Variants in SLC38A9 observed in about 807,000 individuals in gnomAD.
SLC38A9 encodes neutral amino acid transporter 9.
SLC38A9 carries 48 observed loss-of-function variants against 62.3 expected under a neutral mutation model. That is an observed-to-expected ratio of 0.77 (90% CI 0.61 to 0.98). SLC38A9 has a LOEUF of 0.98. SLC38A9 is among the 50% of genes least tolerant of loss of function. The probability of loss-of-function intolerance (pLI) is 0.00; values close to 1 mark genes in which losing one functional copy is unlikely to be tolerated. For missense variants in SLC38A9, 541 were observed against 679.8 expected (o/e 0.80, Z 2.27); for synonymous variants, 204 against 227.7 (o/e 0.90, Z 0.94).
chr5:55,663,305 A>C (rs1749929772), intron 8 of SLC38A9, among the ~76,000 whole-genome samples: 2 of 146,278 alleles, frequency 1.4e-5, no homozygotes, highest in African/African-American at 2.6e-5. Context: ...ACAAAAAAAA[A>C]AAAAAAAAAA....
At chr5:55,661,047 C>CAAA (rs35574937) in intron 8 of SLC38A9, among the ~76,000 whole-genome samples, 1 of 149,682 alleles carries the variant, frequency 6.7e-6, no homozygotes, top group Non-Finnish European at 1.5e-5. Flanking sequence ...GGAAAAAGTC[C>CAAA]AAAAAAAAAG....
chr5:55,673,127 G>A (rs546010552), intron 3 of SLC38A9, among the ~76,000 whole-genome samples: 1 of 151,972 alleles, frequency 6.6e-6, no homozygotes, highest in African/African-American at 2.4e-5. Context: ...CTTCCTTATG[G>A]GCCCAAGTTA....
At chr5:55,649,354 G>A in intron 10 of SLC38A9, 40 bp from the exon 11 acceptor site, 4 of 1,213,030 alleles carry the variant, frequency 3.3e-6, no homozygotes, top group Non-Finnish European at 4.6e-6. Context: ...TTATCTTTGT[G>A]TGTTTTACAG....
At chr5:55,643,939 A>G (rs1275504286) in intron 12 of SLC38A9, among the ~76,000 whole-genome samples, 1 of 152,106 alleles carries the variant, frequency 6.6e-6, no homozygotes, top group African/African-American at 2.4e-5. Flanking sequence ...TTGTTTTTTA[A>G]CAAGTCTGAA....
chr5:55,660,722 C>A (rs1274789487), intron 8 of SLC38A9, among the ~76,000 whole-genome samples: 1 of 152,048 alleles, frequency 6.6e-6, no homozygotes, highest in African/African-American at 2.4e-5. Flanking sequence ...GAAAGAAACT[C>A]TTCCTACAGA....
At chr5:55,683,206 C>T (rs964369132) in intron 3 of SLC38A9, among the ~76,000 whole-genome samples, 1 of 151,936 alleles carries the variant, frequency 6.6e-6, no homozygotes, top group African/African-American at 2.4e-5. Flanking sequence ...GTAAATATAC[C>T]AAAAGGTTTT....
In SLC38A9 at chr5:55,656,717, G is replaced by T; in HGVS notation, c.755C>A (p.Pro252His). 6.3e-7 allele frequency: 1 copy of T among 1,596,344 alleles called. No homozygotes were observed. The highest frequency in any genetic ancestry group is 2.2e-5 in the East Asian group (1 of 44,642). Residue 252 changes from proline to histidine, a missense_variant and splice_region_variant, in exon 9 of 16, where the codon CCT becomes CAT. Transcript: ENST00000396865. Reference sequence around the variant, plus strand: ...AAACAACATCCCAAACTACTTACCAGGGTTGCTATTATTGGTACTCAGTAT... The same window carrying T: ...AAACAACATCCCAAACTACTTACCATGGTTGCTATTATTGGTACTCAGTAT... ...DTILSTNNSN[P>H]VICPSAGSGG...
intron 10 of SLC38A9, among the ~76,000 whole-genome samples, chr5:55,649,990 A>G (rs1349054662): frequency 1.3e-5 from 2 of 152,184 alleles, no homozygotes; most frequent in African/African-American, 4.8e-5. Flanking sequence ...AACAACATGA[A>G]ACTTACTTTT....
intron 3 of SLC38A9, chr5:55,692,771 G>T: frequency 1.0e-6 from 1 of 985,324 alleles, no homozygotes. Flanking sequence ...TGTCACAGTG[G>T]TCAATTATTT....
chr5:55,634,890 C>T (rs1295634754), intron 13 of SLC38A9: 1 of 151,672 alleles, frequency 6.6e-6, no homozygotes, highest in African/African-American at 2.4e-5. Context: ...TATACTATTG[C>T]TAAGTTTTTG....
At chr5:55,698,057 T>C (rs1014350767) in intron 2 of SLC38A9, 65 bp from the exon 3 acceptor site, 66 of 603,642 alleles carry the variant, frequency 1.1e-4, no homozygotes, top group Non-Finnish European at 5.7e-5. Context: ...CACTAATAAA[T>C]ATTCATGAAT....
At chr5:55,652,757 A>AC (rs1747749137) in intron 9 of SLC38A9, 34 bp from the exon 10 acceptor site, 1 of 1,456,594 alleles carries the variant, frequency 6.9e-7, no homozygotes, top group Non-Finnish European at 9.3e-7. Context: ...AAAGAAGATG[A>AC]CAAAAAACAA....
chr5:55,693,566 T>A (rs1445707847), intron 3 of SLC38A9: 1 of 152,214 alleles, frequency 6.6e-6, no homozygotes, highest in Non-Finnish European at 1.5e-5. Flanking sequence ...AACTTTGGAA[T>A]AGGCTGCTGG....
chr5:55,669,122 A>T (rs1441223290), intron 7 of SLC38A9, 106 bp downstream of exon 7: 1 of 665,656 alleles, frequency 1.5e-6, no homozygotes, highest in African/African-American at 1.9e-5. Flanking sequence ...CTTTAGGTAC[A>T]AAGTAGACAG....
intron 2 of SLC38A9, among the ~76,000 whole-genome samples, chr5:55,709,970 A>C (rs989368677): frequency 2.0e-5 from 3 of 150,070 alleles, no homozygotes; most frequent in African/African-American, 7.3e-5. Flanking sequence ...TTGGGAGGCT[A>C]AGGCAGGGGA....
At chr5:55,667,134 G>C (rs902019380) in intron 7 of SLC38A9, among the ~76,000 whole-genome samples, 1 of 152,232 alleles carries the variant, frequency 6.6e-6, no homozygotes, top group Non-Finnish European at 1.5e-5. Flanking sequence ...GGAGGAGGTT[G>C]CATTGAGCTG....
intron 2 of SLC38A9, among the ~76,000 whole-genome samples, chr5:55,705,918 C>T (rs952484918): frequency 6.6e-6 from 1 of 152,090 alleles, no homozygotes; most frequent in Non-Finnish European, 1.5e-5. Flanking sequence ...CCATATTGGC[C>T]AGGCAGGTCT....
At chr5:55,656,579 C>A (rs1748468428) in intron 9 of SLC38A9, 136 bp downstream of exon 9, 3 of 635,586 alleles carry the variant, frequency 4.7e-6, no homozygotes, top group Admixed American at 3.1e-5. Flanking sequence ...ACACTACCAA[C>A]AATTTAGTAG....
intron 13 of SLC38A9, 26 bp from the exon 14 acceptor site, chr5:55,633,928 A>C: frequency 5.1e-6 from 8 of 1,554,048 alleles, no homozygotes; most frequent in Non-Finnish European, 7.0e-6. Context: ...TAATGAGGTC[A>C]TGTTAAAAAT....
Sources: allele counts gnomAD v4.1 joint callset (sites outside exome capture counted in the v4.1 genomes callset), GRCh38; gene constraint gnomAD v4.1.1; transcripts MANE v1.5; gene names NCBI Gene and HGNC (gene_info 2026-07-23, HGNC 2026-07-21).